MAP4: variants seen among roughly 807,000 people sequenced by gnomAD.
MAP4 encodes the protein microtubule associated protein 4, also known as microtubule-associated protein 4.
MAP4 carries 76 observed loss-of-function variants against 170.2 expected under a neutral mutation model. The observed-to-expected ratio is 0.45, with a 90% CI of 0.37 to 0.54. MAP4 has a LOEUF of 0.54. Ranked by LOEUF, MAP4 falls within the 20% of genes least tolerant of loss-of-function variation. The pLI is 0.00. For missense variants in MAP4, 2,506 were observed against 2,748.0 expected (o/e 0.91, Z 1.97); for synonymous variants, 909 against 994.5 (o/e 0.91, Z 1.62).
chr3:47,867,332 T>C lies in MAP4; in HGVS notation c.6415A>G (p.Ile2139Val), dbSNP rs35736893. The C allele has an allele frequency of 1.1e-3, 1,849 of 1,609,748 alleles. 1 individual carries two copies. Among genetic ancestry groups the C allele is most frequent in the Non-Finnish European group, 1.5e-3 (1,754 of 1,176,334 alleles). The change falls in exon 17 of 21, where the codon ATA becomes GTA. Residue 2139 changes from isoleucine to valine, a missense_variant. By Grantham distance (29) the Ile-to-Val change is conservative (BLOSUM62 3). Transcript: ENST00000683076. ...CTGTAGCTCACTTTTTTGGAGACTA[T>C]CTGGACCTGGAGTGTTAGAAAATAG... ...AQKQPAGKVQIVSKKVSYSHI... is the reference protein window; with the variant it reads ...AQKQPAGKVQVVSKKVSYSHI...
At chr3:47,856,905 C>T (rs114375602) in intron 18 of MAP4, among the ~76,000 whole-genome samples, 122 of 152,360 alleles carry the variant, frequency 8.0e-4, no homozygotes, top group African/African-American at 2.8e-3. Context: ...GCCCAGCCTC[C>T]GCACAGCGAC....
At chr3:48,005,473 G>A (rs1030376377) in intron 1 of MAP4, among the ~76,000 whole-genome samples, 3 of 152,188 alleles carry the variant, frequency 2.0e-5, no homozygotes, top group African/African-American at 7.2e-5. Flanking sequence ...AGTTGGATCA[G>A]GCTGAATTTA....
At chr3:47,938,818 AC>A (rs1487345138) in intron 3 of MAP4, among the ~76,000 whole-genome samples, 1 of 152,224 alleles carries the variant, frequency 6.6e-6, no homozygotes, top group Admixed American at 6.5e-5. Flanking sequence ...TAAGTAAAAA[AC>A]ATTCTTCAAG....
chr3:47,994,504 G>A (rs149417845), intron 2 of MAP4, among the ~76,000 whole-genome samples: 2 of 152,288 alleles, frequency 1.3e-5, no homozygotes, highest in Admixed American at 1.3e-4. Context: ...CCATCATCTG[G>A]GAATGAGCCT....
chr3:48,053,756 C>T (rs1049850602), intron 1 of MAP4, among the ~76,000 whole-genome samples: 1 of 152,088 alleles, frequency 6.6e-6, no homozygotes, highest in Non-Finnish European at 1.5e-5. Context: ...AGAATGTGCA[C>T]ATTACAACCT....
chr3:47,886,008 G>A (rs1156642719), intron 10 of MAP4, among the ~76,000 whole-genome samples: 2 of 152,118 alleles, frequency 1.3e-5, no homozygotes, highest in Non-Finnish European at 2.9e-5. Context: ...GATTACGGGC[G>A]TGAGCCACCG....
chr3:48,006,566 C>T (rs1056894766), intron 1 of MAP4, among the ~76,000 whole-genome samples: 23 of 152,198 alleles, frequency 1.5e-4, no homozygotes, highest in Non-Finnish European at 3.1e-4. Flanking sequence ...CACACTGGCT[C>T]CCTGACTGCT....
intron 1 of MAP4, among the ~76,000 whole-genome samples, chr3:48,011,138 C>G (rs1396498910): frequency 2.0e-5 from 3 of 152,188 alleles, no homozygotes; most frequent in African/African-American, 7.2e-5. Flanking sequence ...CCATCTCACA[C>G]TACTGGAATT....
At position 47,888,267 on chromosome 3, in the gene MAP4, G is replaced by A. The variant is rs537353594; in HGVS notation, c.5435-10744C>T. Among the ~76,000 whole-genome samples, 6 of 152,264 alleles carry A rather than the reference G, an allele frequency of 3.9e-5. No homozygotes were observed. The East Asian group carries it at 9.7e-4, about 24-fold the overall frequency. ...ATAAGAGAATAAAAGCAGGCTGCCC[G>A]AGCCAGCACTGGTAACCCGCTCGGG... is the stretch of plus-strand genomic sequence containing the variant. On this transcript the variant is annotated intron_variant, in intron 10 of 20. Transcript: ENST00000683076.
intron 18 of MAP4, 50 bp downstream of exon 18, chr3:47,857,381 G>A (rs779241776): frequency 3.3e-6 from 5 of 1,494,942 alleles, no homozygotes; most frequent in Non-Finnish European, 3.7e-6. Flanking sequence ...CTGACCCATG[G>A]CAGGACGACA....
intron 3 of MAP4, among the ~76,000 whole-genome samples, chr3:47,968,448 G>A (rs1399492898): frequency 1.3e-5 from 2 of 152,120 alleles, no homozygotes; most frequent in East Asian, 3.9e-4. Flanking sequence ...AGAAGATTGG[G>A]GAATGCACAA....
At position 47,916,776 on chromosome 3, in the gene MAP4, A is replaced by G. The variant is rs752779431; in HGVS notation, c.1051T>C (p.Leu351=). The G allele has an allele frequency of 6.2e-7, 1 of 1,613,528 alleles. No homozygotes were observed. Among genetic ancestry groups the G allele is most frequent in the Admixed American group, 1.7e-5 (1 of 59,962 alleles). ...EVAPAKDVTL[L]KETERASPIK... ...GGAGATGCCCTCTCTGTTTCTTTCA[A>G]CAGTGTCACATCCTTGGCTGGGGCT... Residue 351 remains leucine (L), a synonymous_variant, in exon 7 of 21, where the codon TTG becomes CTG. Coordinates refer to ENST00000683076, the MANE Select transcript of MAP4 (RefSeq NM_001385682.1).
intron 1 of MAP4, among the ~76,000 whole-genome samples, chr3:48,038,229 C>T (rs573437984): frequency 2.0e-5 from 3 of 151,222 alleles, no homozygotes; most frequent in Admixed American, 2.0e-4. Context: ...GATGCTCACC[C>T]AGCACCTATC....
Position 47,912,323 on chromosome 3 carries a change from G to A in MAP4, c.2098C>T (p.Pro700Ser), listed in dbSNP as rs148444938. The A allele has an allele frequency of 8.7e-4, 1,329 of 1,536,148 alleles. 14 individuals are homozygous for A. In the African/African-American group the frequency reaches 0.015, roughly 18 times the overall value. Reference sequence around the variant, plus strand: ...GGAGGAGAGCCTCCCAGCAGCTCAGGAGGGACCCTGGCAGGCTTGGGCCGG... The same window carrying A: ...GGAGGAGAGCCTCCCAGCAGCTCAGAAGGGACCCTGGCAGGCTTGGGCCGG... The part of the protein sequence containing the change: ...STRPKPARVP[P>S]ELLGGSPPWK... The change falls in exon 9 of 21, where the codon CCT becomes TCT. Residue 700 changes from proline to serine, a missense_variant. Pro to Ser is a moderately conservative substitution (Grantham distance 74). Around this residue, in one of 3 missense-constraint regions of MAP4, gnomAD observed 2,008 missense variants for 2,206.0 expected, o/e 0.91. Transcript: ENST00000683076.
At chr3:47,958,286 GTT>G (rs1322161644) in intron 3 of MAP4, among the ~76,000 whole-genome samples, 4 of 152,174 alleles carry the variant, frequency 2.6e-5, no homozygotes, top group African/African-American at 9.6e-5. Context: ...GGGAATAAAT[GTT>G]TGAGTCATTT....
intron 3 of MAP4, among the ~76,000 whole-genome samples, chr3:47,970,466 G>A (rs2100077962): frequency 6.6e-6 from 1 of 150,942 alleles, no homozygotes; most frequent in Non-Finnish European, 1.5e-5. Context: ...CTCCAGCCTG[G>A]GGAACAAGAG....
intron 1 of MAP4, among the ~76,000 whole-genome samples, chr3:48,033,472 T>C (rs931397877): frequency 6.6e-6 from 1 of 152,218 alleles, no homozygotes; most frequent in African/African-American, 2.4e-5. Flanking sequence ...GAAAAGTATA[T>C]TAGTTTTCTT....
chr3:48,061,764 C>T (rs577076541), intron 1 of MAP4, among the ~76,000 whole-genome samples: 24 of 123,342 alleles, frequency 1.9e-4, no homozygotes, highest in African/African-American at 5.5e-4. Flanking sequence ...AGCCCCCGCC[C>T]GGCCAGCCGC....
At chr3:47,893,207 T>C (rs2100025008) in intron 10 of MAP4, among the ~76,000 whole-genome samples, 1 of 152,158 alleles carries the variant, frequency 6.6e-6, no homozygotes, top group Admixed American at 6.5e-5. Context: ...AAGAGTTTAA[T>C]AAAGGGTTCA....
Sources: allele counts gnomAD v4.1 joint callset (sites outside exome capture counted in the v4.1 genomes callset), GRCh38; gene constraint gnomAD v4.1.1; regional missense constraint gnomAD v4.1.1; transcripts MANE v1.5; gene names NCBI Gene and HGNC (gene_info 2026-07-23, HGNC 2026-07-21).